The following HTR7 variants were observed in gnomAD, a reference collection of about 807,000 sequenced individuals.
HTR7 encodes the protein 5-HT-7.
HTR7 carries 16 observed loss-of-function variants against 34.0 expected under a neutral mutation model. The observed-to-expected ratio is 0.47, with a 90% CI of 0.32 to 0.71. HTR7 has a LOEUF of 0.71. HTR7 is among the 30% of genes least tolerant of loss of function. The pLI is 0.04. For synonymous variants in HTR7, 265 were observed against 260.2 expected (o/e 1.02, Z -0.18); for missense variants, 504 against 625.5 (o/e 0.81, Z 2.07).
chr10:90,779,793 T>C (rs1845276696), intron 1 of HTR7, among the ~76,000 whole-genome samples: 2 of 152,210 alleles, frequency 1.3e-5, no homozygotes, highest in Non-Finnish European at 1.5e-5. Flanking sequence ...ATTTGTCACG[T>C]GTCCAGATGG....
chr10:90,790,622 C>T (rs1056016384), intron 1 of HTR7, among the ~76,000 whole-genome samples: 2 of 152,138 alleles, frequency 1.3e-5, no homozygotes, highest in African/African-American at 4.8e-5. Flanking sequence ...GCACTTGTTA[C>T]TTGCTGTGAT....
chr10:90,753,436 T>C (rs1408617294), intron 1 of HTR7, among the ~76,000 whole-genome samples: 2 of 151,984 alleles, frequency 1.3e-5, no homozygotes, highest in East Asian at 1.9e-4. Context: ...TATTCAGAAC[T>C]TCATTAATAA....
intron 1 of HTR7, among the ~76,000 whole-genome samples, chr10:90,838,113 C>T (rs1846279094): frequency 6.6e-6 from 1 of 152,128 alleles, no homozygotes; most frequent in Non-Finnish European, 1.5e-5. Context: ...ACAATCACAA[C>T]CAATTTTTTA....
intron 1 of HTR7, among the ~76,000 whole-genome samples, chr10:90,838,899 G>A (rs1295889086): frequency 6.6e-6 from 1 of 151,988 alleles, no homozygotes; most frequent in African/African-American, 2.4e-5. Context: ...ACAAATTAAT[G>A]TGTGTGTGTG....
At chr10:90,801,913 C>A (rs899156615) in intron 1 of HTR7, among the ~76,000 whole-genome samples, 6 of 152,098 alleles carry the variant, frequency 3.9e-5, no homozygotes, top group Non-Finnish European at 7.4e-5. Flanking sequence ...ATTTTTGGTA[C>A]TTTATGGTGT....
chr10:90,761,957 C>T (rs533741469), intron 1 of HTR7, among the ~76,000 whole-genome samples: 1 of 152,254 alleles, frequency 6.6e-6, no homozygotes, highest in African/African-American at 2.4e-5. Context: ...TTGCAAATGG[C>T]AGGATTGCCT....
chr10:90,809,108 TCCTCGCCAGGCC>T (rs1845756077), intron 1 of HTR7, among the ~76,000 whole-genome samples: 1 of 151,994 alleles, frequency 6.6e-6, no homozygotes, highest in Non-Finnish European at 1.5e-5. Flanking sequence ...ACCTCTCCCC[TCCTCGCCAGGCC>T]GAGCTAAGTC....
Position 90,790,178 on chromosome 10 carries a change from T to C in HTR7, c.540-40584A>G, listed in dbSNP as rs567886731. ...CAGCAAACATTTGATTCAAGTTTCATTGCTAAACATATTAATCATTTTTAA... is the reference window on the plus strand; with the variant it reads ...CAGCAAACATTTGATTCAAGTTTCACTGCTAAACATATTAATCATTTTTAA... On this transcript the variant is annotated intron_variant, in intron 1 of 3. Transcript: ENST00000336152. Among the ~76,000 whole-genome samples the C allele has an allele frequency of 6.6e-5, 10 of 152,294 alleles. No individual in the cohort carries two copies. The East Asian group carries it at 7.7e-4, about 12-fold the overall frequency.
At chr10:90,785,781 C>T (rs1182040998) in intron 1 of HTR7, among the ~76,000 whole-genome samples, 1 of 152,156 alleles carries the variant, frequency 6.6e-6, no homozygotes, top group African/African-American at 2.4e-5. Flanking sequence ...TTTTCCCCAA[C>T]AATTCTTACT....
intron 1 of HTR7, among the ~76,000 whole-genome samples, chr10:90,796,698 C>T (rs950166330): frequency 6.6e-6 from 1 of 152,102 alleles, no homozygotes; most frequent in Non-Finnish European, 1.5e-5. Context: ...CGTGACACAG[C>T]AAGACCCTGT....
At chr10:90,837,549 G>T (rs1012415010) in intron 1 of HTR7, among the ~76,000 whole-genome samples, 10 of 152,210 alleles carry the variant, frequency 6.6e-5, no homozygotes, top group Non-Finnish European at 1.2e-4. Context: ...GATGCAGCAA[G>T]AAGGCTGTCA....
intron 1 of HTR7, among the ~76,000 whole-genome samples, chr10:90,818,747 G>C (rs1845935127): frequency 1.3e-5 from 2 of 152,180 alleles, no homozygotes; most frequent in Non-Finnish European, 2.9e-5. Context: ...AAAAGGTATA[G>C]ATTGGATTTG....
At chr10:90,764,391 T>C (rs1261702628) in intron 1 of HTR7, among the ~76,000 whole-genome samples, 1 of 152,236 alleles carries the variant, frequency 6.6e-6, no homozygotes, top group Non-Finnish European at 1.5e-5. Context: ...GCAAAAATTT[T>C]CTCCCATTCT....
chr10:90,775,981 T>C (rs1189456523), intron 1 of HTR7, among the ~76,000 whole-genome samples: 1 of 152,198 alleles, frequency 6.6e-6, no homozygotes, highest in Non-Finnish European at 1.5e-5. Flanking sequence ...TCATACAACA[T>C]ATCCTAAATA....
intron 1 of HTR7, among the ~76,000 whole-genome samples, chr10:90,801,269 A>C (rs1484767872): frequency 6.6e-6 from 1 of 152,104 alleles, no homozygotes; most frequent in African/African-American, 2.4e-5. Flanking sequence ...AGAGATCTCA[A>C]CTATATGTAA....
intron 1 of HTR7, among the ~76,000 whole-genome samples, chr10:90,784,953 C>T (rs918493150): frequency 2.0e-5 from 3 of 152,216 alleles, no homozygotes; most frequent in Non-Finnish European, 4.4e-5. Flanking sequence ...TGAGAACATT[C>T]CATAGACTTC....
chr10:90,770,525 C>T (rs780203790), intron 1 of HTR7, among the ~76,000 whole-genome samples: 2 of 152,216 alleles, frequency 1.3e-5, no homozygotes, highest in Non-Finnish European at 2.9e-5. Flanking sequence ...GGGTTGTCTG[C>T]TCCTGCTGCC....
At position 90,837,570 on chromosome 10, in the gene HTR7, G is replaced by A. The variant is rs962942782; in HGVS notation, c.539+19563C>T. ...GCAAGAAGGCTGTCACCAGATGTTGGCACTAAGCTCTTGAACTTCCCAGCT... is the reference window on the plus strand; with the variant it reads ...GCAAGAAGGCTGTCACCAGATGTTGACACTAAGCTCTTGAACTTCCCAGCT... On this transcript the variant is annotated intron_variant, in intron 1 of 3. Transcript: ENST00000336152. Among the ~76,000 whole-genome samples the A allele has an allele frequency of 2.0e-5, 3 of 152,180 alleles. No homozygotes were observed. The East Asian group carries it at 5.8e-4, about 29-fold the overall frequency.
At chr10:90,779,300 C>T (rs1845270376) in intron 1 of HTR7, among the ~76,000 whole-genome samples, 1 of 152,142 alleles carries the variant, frequency 6.6e-6, no homozygotes, top group South Asian at 2.1e-4. Flanking sequence ...CCAGGAATGA[C>T]AAAATAGAAT....
Sources: allele counts gnomAD v4.1 joint callset (sites outside exome capture counted in the v4.1 genomes callset), GRCh38; gene constraint gnomAD v4.1.1; transcripts MANE v1.5; gene names NCBI Gene and HGNC (gene_info 2026-07-23, HGNC 2026-07-21).